CLASP1: variants seen among roughly 807,000 people sequenced by gnomAD.
The protein encoded by CLASP1 is cytoplasmic linker associated protein 1.
CLASP1 carries 38 observed loss-of-function variants against 192.3 expected under a neutral mutation model. The observed-to-expected ratio is 0.20, with a 90% confidence interval of 0.15 to 0.26. The LOEUF (loss-of-function observed/expected upper bound fraction) is 0.26, where lower values mean the gene tolerates loss of function less well. Ranked by LOEUF, CLASP1 falls within the 10% of genes least tolerant of loss-of-function variation. CLASP1 has a pLI of 1.00. For missense variants in CLASP1, 1,433 were observed against 1,932.5 expected, an observed-to-expected ratio of 0.74 and a Z score of 4.85; for synonymous variants, 691 against 712.8, an observed-to-expected ratio of 0.97 and a Z score of 0.49.
At chr2:121,502,193 A>G (rs762712215) in intron 8 of CLASP1, among the ~76,000 whole-genome samples, 2 of 152,172 alleles carry the variant, frequency 1.3e-5, no homozygotes, top group Non-Finnish European at 2.9e-5. Flanking sequence ...TCATTACTTT[A>G]TTTATTCAAC....
At chr2:121,390,223 T>C (rs1253629191) in intron 30 of CLASP1, among the ~76,000 whole-genome samples, 4 of 152,194 alleles carry the variant, frequency 2.6e-5, no homozygotes, top group African/African-American at 9.6e-5. Flanking sequence ...AAACAAGTAA[T>C]TCCAGATATG....
At chr2:121,460,567 G>A (rs192644894) in intron 11 of CLASP1, among the ~76,000 whole-genome samples, 6 of 152,198 alleles carry the variant, frequency 3.9e-5, no homozygotes, top group Admixed American at 3.3e-4. Flanking sequence ...ACCATTAAAT[G>A]GCTGGTCTGA....
chr2:121,601,623 T>C (rs1354054203), intron 2 of CLASP1, among the ~76,000 whole-genome samples: 3 of 152,072 alleles, frequency 2.0e-5, no homozygotes, highest in Non-Finnish European at 4.4e-5. Flanking sequence ...TCTCACCCTC[T>C]TTTTCAACAT....
chr2:121,464,807 C>T (rs962232359), intron 9 of CLASP1, among the ~76,000 whole-genome samples: 7 of 152,214 alleles, frequency 4.6e-5, no homozygotes, highest in Admixed American at 6.5e-5. Flanking sequence ...TGCCTGTTCA[C>T]GCTGATGGTA....
intron 7 of CLASP1, among the ~76,000 whole-genome samples, chr2:121,508,178 C>A (rs1200350816): frequency 6.6e-6 from 1 of 152,052 alleles, no homozygotes; most frequent in Non-Finnish European, 1.5e-5. Context: ...AATTATAGAA[C>A]TATATGCACT....
At chr2:121,571,202 G>T (rs1427698141) in intron 2 of CLASP1, among the ~76,000 whole-genome samples, 1 of 151,916 alleles carries the variant, frequency 6.6e-6, no homozygotes, top group Non-Finnish European at 1.5e-5. Context: ...TTTGGGATGG[G>T]TCTCACTCTG....
At chr2:121,451,510 T>C (rs1233990707) in intron 15 of CLASP1, among the ~76,000 whole-genome samples, 1 of 152,240 alleles carries the variant, frequency 6.6e-6, no homozygotes, top group African/African-American at 2.4e-5. Context: ...TCATGGGAAC[T>C]GACAGGAATG....
chr2:121,400,202 C>A (rs991428320), intron 28 of CLASP1, among the ~76,000 whole-genome samples: 1 of 152,044 alleles, frequency 6.6e-6, no homozygotes, highest in Non-Finnish European at 1.5e-5. Context: ...TACTTTGATT[C>A]TTATTTATTT....
At chr2:121,609,713 C>T (rs1350403625) in intron 1 of CLASP1, among the ~76,000 whole-genome samples, 2 of 152,142 alleles carry the variant, frequency 1.3e-5, no homozygotes, top group Non-Finnish European at 2.9e-5. Flanking sequence ...GAGGCTGAGG[C>T]GGGCGGATCA....
At chr2:121,453,350 T>C (rs948168700) in intron 14 of CLASP1, among the ~76,000 whole-genome samples, 3 of 152,132 alleles carry the variant, frequency 2.0e-5, no homozygotes, top group African/African-American at 7.2e-5. Flanking sequence ...TGCTAGATGC[T>C]GGAGATCCAA....
chr2:121,466,442 T>C (rs530576545), intron 9 of CLASP1, among the ~76,000 whole-genome samples: 1 of 152,152 alleles, frequency 6.6e-6, no homozygotes, highest in Non-Finnish European at 1.5e-5. Context: ...GGAGACAGCA[T>C]TTTAATGCTA....
chr2:121,614,363 G>A (rs1002637446), intron 1 of CLASP1, among the ~76,000 whole-genome samples: 1 of 152,202 alleles, frequency 6.6e-6, no homozygotes, highest in African/African-American at 2.4e-5. Flanking sequence ...AGGCGTGGTG[G>A]TGTGCGCCTG....
intron 23 of CLASP1, among the ~76,000 whole-genome samples, chr2:121,411,664 A>G (rs1355639860): frequency 1.3e-5 from 2 of 152,212 alleles, no homozygotes; most frequent in Non-Finnish European, 2.9e-5. Flanking sequence ...AACAAATAAT[A>G]GAAAGAATCC....
At chr2:121,648,386 A>G (rs2106395339) in intron 1 of CLASP1, among the ~76,000 whole-genome samples, 1 of 152,284 alleles carries the variant, frequency 6.6e-6, no homozygotes, top group African/African-American at 2.4e-5. Flanking sequence ...TCATGTTTAA[A>G]GAGCTCACAG....
At chr2:121,437,783 A>G (rs538443658) in intron 19 of CLASP1, among the ~76,000 whole-genome samples, 1 of 152,194 alleles carries the variant, frequency 6.6e-6, no homozygotes, top group Non-Finnish European at 1.5e-5. Flanking sequence ...CATCACATCA[A>G]ATGCCCAAGG....
At chr2:121,544,433 T>C (rs182986158) in intron 2 of CLASP1, among the ~76,000 whole-genome samples, 3 of 84,116 alleles carry the variant, frequency 3.6e-5, no homozygotes, top group East Asian at 3.2e-4. Context: ...TTTCAAAAAA[T>C]ATATACAAAA....
intron 22 of CLASP1, among the ~76,000 whole-genome samples, chr2:121,424,042 C>A (rs1426936548): frequency 6.6e-6 from 1 of 152,114 alleles, no homozygotes; most frequent in Non-Finnish European, 1.5e-5. Context: ...CTCTAGAAAC[C>A]TTTCCCCTCA....
At chr2:121,351,799 C>T (rs1040610703) in intron 37 of CLASP1, among the ~76,000 whole-genome samples, 2 of 152,136 alleles carry the variant, frequency 1.3e-5, no homozygotes, top group Non-Finnish European at 2.9e-5. Context: ...TTCGCCTGTG[C>T]TCACTATGTA....
chr2:121,353,311 G>T (rs1288423476), intron 37 of CLASP1, among the ~76,000 whole-genome samples: 1 of 151,994 alleles, frequency 6.6e-6, no homozygotes, highest in African/African-American at 2.4e-5. Context: ...AGAGCTTTGT[G>T]ACCCCGAGAC....
Sources: gnomAD v4.1 joint callset for allele counts (sites outside exome capture counted in the v4.1 genomes callset) on GRCh38, gnomAD v4.1.1 for gene constraint, MANE v1.5 for transcripts, NCBI Gene and HGNC (gene_info 2026-07-23, HGNC 2026-07-21) for gene names.